The following SLC38A8 variants were observed in gnomAD, a reference collection of about 807,000 sequenced individuals.
SLC38A8 encodes amino acid transporter SLC38A8.
SLC38A8 carries 65 observed loss-of-function variants against 46.0 expected under a neutral mutation model. That is an observed-to-expected ratio of 1.41 (90% CI 1.16 to 1.74). The LOEUF is 1.74. Among genes scored for constraint, SLC38A8 ranks in the 40% most tolerant of loss-of-function variants. SLC38A8 has a pLI of 0.00. For synonymous variants in SLC38A8, 447 were observed against 243.7 expected, an observed-to-expected ratio of 1.83 and a Z score of -7.77; for missense variants, 998 against 567.9, an observed-to-expected ratio of 1.76 and a Z score of -7.70.
Position 84,030,535 on chromosome 16 carries a change from A to G in SLC38A8, c.633-984T>C, listed in dbSNP as rs564324101. 7.9e-5 allele frequency among the ~76,000 whole-genome samples: 12 copies of G among 151,872 alleles called. No individual in the cohort carries two copies. In the East Asian group the frequency reaches 2.3e-3, roughly 30 times the overall value. ...CCCAGCTGCTTGACTTCCCTCTTAGATGTCTCCAGGTCGGCTCTACCTTGA... is the reference window on the plus strand; with the variant it reads ...CCCAGCTGCTTGACTTCCCTCTTAGGTGTCTCCAGGTCGGCTCTACCTTGA... On this transcript the variant is annotated intron_variant, in intron 5 of 10. Coordinates refer to ENST00000299709, the MANE Select transcript of SLC38A8 (RefSeq NM_001080442.3).
chr16:84,040,964 C>G (rs953580121), intron 2 of SLC38A8: 2 of 152,402 alleles, frequency 1.3e-5, no homozygotes, highest in African/African-American at 4.8e-5. Context: ...CACTAGTTTC[C>G]AAACAGACCC....
intron 10 of SLC38A8, among the ~76,000 whole-genome samples, chr16:84,012,500 A>C (rs9931086): frequency 0.29 from 43,540 of 152,156 alleles, 8,911 homozygotes; most frequent in African/African-American, 0.59. Context: ...CCTCACTAGC[A>C]TCCGGGCCCG....
intron 7 of SLC38A8, among the ~76,000 whole-genome samples, chr16:84,022,496 C>T (rs1455557412): frequency 6.6e-6 from 1 of 152,156 alleles, no homozygotes; most frequent in Admixed American, 6.5e-5. Flanking sequence ...TGTGGTGTGT[C>T]AGAGCACGGG....
At chr16:84,028,206 C>T (rs1366893739) in intron 6 of SLC38A8, among the ~76,000 whole-genome samples, 1 of 152,092 alleles carries the variant, frequency 6.6e-6, no homozygotes, top group African/African-American at 2.4e-5. Context: ...CTTGATTTTA[C>T]TTTGGAATGG....
intron 2 of SLC38A8, among the ~76,000 whole-genome samples, chr16:84,040,789 C>CCGT (rs2085358719): frequency 6.6e-6 from 1 of 152,186 alleles, no homozygotes; most frequent in African/African-American, 2.4e-5. Flanking sequence ...AGACACATGA[C>CCGT]CCTCCCGGCA....
chr16:84,040,778 G>A (rs1037074704), intron 2 of SLC38A8, among the ~76,000 whole-genome samples: 1 of 152,170 alleles, frequency 6.6e-6, no homozygotes, highest in African/African-American at 2.4e-5. Flanking sequence ...CCGATCCCCA[G>A]AGACACATGA....
chr16:84,016,112 G>T (rs879734929), intron 9 of SLC38A8, among the ~76,000 whole-genome samples: 10 of 151,360 alleles, frequency 6.6e-5, no homozygotes, highest in African/African-American at 2.4e-4. Flanking sequence ...GCAGGCAAGA[G>T]AGCTTGTGCT....
intron 5 of SLC38A8, among the ~76,000 whole-genome samples, chr16:84,030,209 G>A (rs941882574): frequency 1.3e-4 from 20 of 152,062 alleles, no homozygotes; most frequent in Admixed American, 5.9e-4. Flanking sequence ...AGATCGCCGC[G>A]GCCCCCAGAA....
chr16:84,022,372 G>A (rs2085105262), intron 7 of SLC38A8, among the ~76,000 whole-genome samples: 2 of 152,160 alleles, frequency 1.3e-5, no homozygotes, highest in Non-Finnish European at 2.9e-5. Flanking sequence ...CACACAGTTT[G>A]TGAGCACCTG....
chr16:84,032,066 C>G, intron 4 of SLC38A8, 98 bp from the exon 5 acceptor site: 1 of 1,043,074 alleles, frequency 9.6e-7, no homozygotes, highest in Non-Finnish European at 1.4e-6. Context: ...CCGCCCTTGA[C>G]AATGAGGTGC....
At chr16:84,033,844 T>C (rs1435576411) in intron 3 of SLC38A8, among the ~76,000 whole-genome samples, 1 of 152,186 alleles carries the variant, frequency 6.6e-6, no homozygotes, top group Non-Finnish European at 1.5e-5. Flanking sequence ...AAGTCGATTT[T>C]TGGCCACCGT....
rs544815533 is a variant in SLC38A8, at chr16:84,012,919, T to G, written c.1214+82A>C. On this transcript the variant is annotated intron_variant, in intron 10 of 10. Transcript: ENST00000299709. Reference sequence around the variant, plus strand: ...CCTGCAGGATGCAGAGGATGAGAAATAGGATCTGCAGGGTCCCCTGAAACA... The same window carrying G: ...CCTGCAGGATGCAGAGGATGAGAAAGAGGATCTGCAGGGTCCCCTGAAACA... 2.9e-5 allele frequency: 42 copies of G among 1,444,400 alleles called. No homozygotes were observed. The South Asian group carries it at 4.5e-4, about 15-fold the overall frequency. The allele number at this position is 1,444,400 out of a possible 1,614,324, so 89.5% of individuals were successfully genotyped here. A position where few individuals can be genotyped will look rare whatever the true frequency, so the allele number is the denominator to read the frequency against.
At chr16:84,037,264 T>C (rs2085311022) in intron 2 of SLC38A8, among the ~76,000 whole-genome samples, 1 of 152,194 alleles carries the variant, frequency 6.6e-6, no homozygotes, top group Non-Finnish European at 1.5e-5. Context: ...GCGTGGTGGC[T>C]TGGAACCCGA....
chr16:84,013,664 C>T (rs190228234), intron 9 of SLC38A8, among the ~76,000 whole-genome samples: 3 of 151,148 alleles, frequency 2.0e-5, no homozygotes, highest in Admixed American at 6.6e-5. Flanking sequence ...CTCTTGACCT[C>T]GTGATCCGCC....
intron 10 of SLC38A8, among the ~76,000 whole-genome samples, chr16:84,012,126 A>G (rs898305513): frequency 6.6e-5 from 10 of 152,318 alleles, no homozygotes; most frequent in African/African-American, 2.4e-4. Flanking sequence ...ACCATGCCCC[A>G]ATTTATGGTA....
intron 2 of SLC38A8, among the ~76,000 whole-genome samples, chr16:84,037,997 C>G (rs975786884): frequency 1.3e-5 from 2 of 152,040 alleles, no homozygotes; most frequent in East Asian, 1.9e-4. Context: ...ATTTTTAAAT[C>G]TTTTTCCAAA....
chr16:84,020,599 C>G (rs1324420608), intron 7 of SLC38A8, among the ~76,000 whole-genome samples: 1 of 152,204 alleles, frequency 6.6e-6, no homozygotes, highest in African/African-American at 2.4e-5. Flanking sequence ...CAGGGGCCAC[C>G]TGACCCAAAG....
upstream of SLC38A8, among the ~76,000 whole-genome samples, chr16:84,043,192 C>A (rs901011169): frequency 6.6e-6 from 1 of 152,178 alleles, no homozygotes; most frequent in African/African-American, 2.4e-5. Context: ...GCTTGTTGAA[C>A]GCTTGGGGGA....
intron 5 of SLC38A8, among the ~76,000 whole-genome samples, chr16:84,030,224 G>A (rs1360819307): frequency 6.6e-6 from 1 of 152,230 alleles, no homozygotes; most frequent in East Asian, 1.9e-4. Flanking sequence ...CCAGAAGCAG[G>A]AAGAGACAGG....
Sources: gnomAD v4.1 joint callset for allele counts (sites outside exome capture counted in the v4.1 genomes callset) on GRCh38, gnomAD v4.1.1 for gene constraint, MANE v1.5 for transcripts, NCBI Gene and HGNC (gene_info 2026-07-23, HGNC 2026-07-21) for gene names.